Variants in ZNF536 observed in about 807,000 individuals in gnomAD.
ZNF536 encodes zinc finger protein 536.
Under a neutral mutation model 84.5 loss-of-function variants are expected in ZNF536, and 13 were observed. The observed-to-expected ratio is 0.15, with a 90% CI of 0.10 to 0.24. ZNF536 has a LOEUF of 0.24. Ranked by LOEUF, ZNF536 falls within the 10% of genes least tolerant of loss-of-function variation. The probability of loss-of-function intolerance (pLI) is 1.00; values close to 1 mark genes in which losing one functional copy is unlikely to be tolerated. For synonymous variants in ZNF536, 811 were observed against 742.5 expected (o/e 1.09, Z -1.50); for missense variants, 1,536 against 1,747.5 (o/e 0.88, Z 2.16).
At position 30,445,408 on chromosome 19, in the gene ZNF536, C is replaced by G. The variant is rs2148223397; in HGVS notation, c.1846C>G (p.Leu616Val). ...DFLSHGLNQT[L>V]EYNLQGPGNM... ...TTTGTCACACGGGCTGAACCAGACT[C>G]TCGAGTATAACCTGCAGGGTCCTGG... Residue 616 changes from leucine to valine, a missense_variant, in exon 2 of 5, where the codon CTC becomes GTC. Around this residue, in one of 8 missense-constraint regions of ZNF536, gnomAD observed 366 missense variants for 364.4 expected, o/e 1.00. Transcript: ENST00000355537. The surrounding 1 kb of genome is among the most constrained non-coding windows in gnomAD (Gnocchi z 4.5). 6.2e-7 allele frequency: 1 copy of G among 1,614,142 alleles called. No homozygotes were observed. The highest frequency in any genetic ancestry group is 1.1e-5 in the South Asian group (1 of 91,080).
At chr19:30,560,030 C>A (rs2046104076), downstream of ZNF536, among the ~76,000 whole-genome samples, 1 of 152,082 alleles carries the variant, frequency 6.6e-6, no homozygotes, top group African/African-American at 2.4e-5. Flanking sequence ...CCGTACACTC[C>A]CCCTGCTTCC....
Position 30,642,860 on chromosome 19 carries a change from A to G in ZNF536, c.170-67897A>G, listed in dbSNP as rs117063490. ...CTCTTTGTCCTGAGCACCTGAGTGA[A>G]AGAGGCTGTGTGGGGGGTGAGAGCC... On this transcript the variant is annotated intron_variant, in intron 1 of 1. Coordinates refer to the ZNF536 transcript ENST00000592773. Among the ~76,000 whole-genome samples the G allele has an allele frequency of 9.0e-3, 1,377 of 152,234 alleles. 10 individuals carry two copies. The highest frequency in any genetic ancestry group is 0.014 in the Non-Finnish European group (932 of 68,010).
chr19:30,567,288 G>A (rs549768314), intron 1 of ZNF536, among the ~76,000 whole-genome samples: 69 of 152,322 alleles, frequency 4.5e-4, no homozygotes, highest in Non-Finnish European at 8.8e-4. Context: ...GGGGAGCACC[G>A]TCTTGGAGCG....
At chr19:30,684,245 C>A (rs566746772) in intron 1 of ZNF536, among the ~76,000 whole-genome samples, 9 of 152,266 alleles carry the variant, frequency 5.9e-5, no homozygotes, top group African/African-American at 1.9e-4. Context: ...AGTGATCCTC[C>A]CACCTCAGCC....
intron 1 of ZNF536, among the ~76,000 whole-genome samples, chr19:30,589,770 T>C (rs958653246): frequency 5.9e-5 from 9 of 152,154 alleles, no homozygotes; most frequent in African/African-American, 1.9e-4. Context: ...GTATCCATCA[T>C]TGATGGAGGG....
At chr19:30,297,596 G>C (rs1389774004) in intron 2 of ZNF536, among the ~76,000 whole-genome samples, 1 of 152,162 alleles carries the variant, frequency 6.6e-6, no homozygotes, top group South Asian at 2.1e-4. Context: ...GTAGCACCAG[G>C]ATGTAGTGAC....
intron 1 of ZNF536, among the ~76,000 whole-genome samples, chr19:30,404,208 A>C (rs2050172305): frequency 6.6e-6 from 1 of 152,154 alleles, no homozygotes; most frequent in Non-Finnish European, 1.5e-5. Flanking sequence ...TTGGGCACAA[A>C]GGGGGCCATC....
chr19:30,494,844 G>A, intron 2 of ZNF536, among the ~76,000 whole-genome samples: 1 of 151,344 alleles, frequency 6.6e-6, no homozygotes, highest in Non-Finnish European at 1.5e-5. Flanking sequence ...TGCTTGGGAG[G>A]CTGAGGCAGG....
chr19:30,242,715 C>T (rs1195461435), intron 1 of ZNF536, among the ~76,000 whole-genome samples: 1 of 152,188 alleles, frequency 6.6e-6, no homozygotes, highest in Non-Finnish European at 1.5e-5. Flanking sequence ...AAACCAGATC[C>T]TTGTTGGTAT....
chr19:30,440,937 A>AGATAGATAGATT (rs1480139169), intron 1 of ZNF536, among the ~76,000 whole-genome samples: 1 of 144,692 alleles, frequency 6.9e-6, no homozygotes, highest in African/African-American at 2.6e-5. Context: ...ATAGATAGAT[A>AGATAGATAGATT]GATTTGAAAA....
chr19:30,408,602 G>A lies in ZNF536; in HGVS notation c.-2-34959G>A, dbSNP rs1354658755. 3.3e-5 allele frequency among the ~76,000 whole-genome samples: 5 copies of A among 152,154 alleles called. No individual in the cohort carries two copies. In the South Asian group the frequency reaches 1.0e-3, roughly 32 times the overall value. On this transcript the variant is annotated intron_variant, in intron 1 of 4. Transcript: ENST00000355537. ...TGGGAGGGATATTGGTGAGGGCACA[G>A]GAAGTAAGTGGAAGAAGGGTATCAA...
chr19:30,418,293 C>G (rs985102142), intron 1 of ZNF536, among the ~76,000 whole-genome samples: 25 of 152,144 alleles, frequency 1.6e-4, no homozygotes, highest in Admixed American at 2.6e-4. Flanking sequence ...GTGACCTACT[C>G]ACTGTATAGT....
At chr19:30,367,286 A>G (rs2048466798) in intron 3 of ZNF536, among the ~76,000 whole-genome samples, 1 of 152,164 alleles carries the variant, frequency 6.6e-6, no homozygotes, top group African/African-American at 2.4e-5. Context: ...ACATGCTAAT[A>G]TTTCATTTTA....
chr19:30,235,524 C>G (rs2023423284), intron 1 of ZNF536, among the ~76,000 whole-genome samples: 1 of 152,132 alleles, frequency 6.6e-6, no homozygotes, highest in Admixed American at 6.5e-5. Flanking sequence ...ATAGAGACAG[C>G]AAACAGATCA....
intron 1 of ZNF536, among the ~76,000 whole-genome samples, chr19:30,645,883 CTA>C (rs2049446778): frequency 6.6e-6 from 1 of 152,160 alleles, no homozygotes; most frequent in Admixed American, 6.5e-5. Flanking sequence ...AATGAAGAAA[CTA>C]TTCGTTTGGC....
At chr19:30,575,874 G>A (rs963973703) in intron 1 of ZNF536, among the ~76,000 whole-genome samples, 3 of 152,172 alleles carry the variant, frequency 2.0e-5, no homozygotes, top group Non-Finnish European at 4.4e-5. Flanking sequence ...AGAGAACTTT[G>A]GAGAGAGAAT....
At chr19:30,707,857 A>C (rs2052304790) in intron 1 of ZNF536, among the ~76,000 whole-genome samples, 1 of 152,008 alleles carries the variant, frequency 6.6e-6, no homozygotes, top group African/African-American at 2.4e-5. Flanking sequence ...TAAAAATACA[A>C]AAATTAGCTG....
chr19:30,445,458 G>C lies in ZNF536; in HGVS notation c.1896G>C (p.Glu632Asp), dbSNP rs1456989265. 1.9e-6 allele frequency: 3 copies of C among 1,614,156 alleles called. No homozygotes were observed. The highest frequency in any genetic ancestry group is 2.5e-6 in the Non-Finnish European group (3 of 1,180,044). ...GPGNMKEKPT[E>D]CPDCGRVFRT... ...GGAACATGAAGGAGAAGCCCACCGA[G>C]TGCCCCGACTGCGGCCGGGTGTTCC... is the stretch of plus-strand genomic sequence containing the variant. Residue 632 changes from glutamate (E) to aspartate (D), a missense_variant, in exon 2 of 5, where the codon GAG becomes GAC. Transcript: ENST00000355537. This position sits in a 1 kb window ranked among gnomAD's most constrained non-coding sequence, Gnocchi z 4.5.
chr19:30,619,571 A>G (rs886323123), intron 1 of ZNF536, among the ~76,000 whole-genome samples: 4 of 152,230 alleles, frequency 2.6e-5, no homozygotes, highest in South Asian at 2.1e-4. Context: ...TTTTCAGGAC[A>G]GGAGATCCTG....
Sources: allele counts gnomAD v4.1 joint callset (sites outside exome capture counted in the v4.1 genomes callset), GRCh38; gene constraint gnomAD v4.1.1; regional missense constraint gnomAD v4.1.1; non-coding constraint Gnocchi (gnomAD v3.1); transcripts MANE v1.5; gene names NCBI Gene and HGNC (gene_info 2026-07-23, HGNC 2026-07-21).